The following FNIP1 variants were observed in gnomAD, a reference collection of about 807,000 sequenced individuals.
The protein encoded by FNIP1 is folliculin interacting protein 1.
Under a neutral mutation model 124.5 loss-of-function variants are expected in FNIP1, and 40 were observed. The ratio of observed to expected loss-of-function variants is 0.32; its 90% CI spans 0.25 to 0.42. The LOEUF is 0.42. Ranked by LOEUF, FNIP1 falls within the 10% of genes least tolerant of loss-of-function variation. The pLI is 1.00. For missense variants in FNIP1, 1,176 were observed against 1,403.7 expected (o/e 0.84, Z 2.59); for synonymous variants, 472 against 470.6 (o/e 1.00, Z -0.04).
intron 1 of FNIP1, among the ~76,000 whole-genome samples, chr5:131,747,983 A>G (rs186134044): frequency 1.2e-4 from 18 of 152,196 alleles, no homozygotes; most frequent in Non-Finnish European, 2.2e-4. Context: ...GAAAGGAGAT[A>G]AAGATGTACA....
At position 131,672,280 on chromosome 5, in the gene FNIP1, T is replaced by C. The variant is rs1425437622; in HGVS notation, c.2164A>G (p.Met722Val). Reference sequence around the variant, plus strand: ...TCCACAACCATTCCTGTGGATCTCATTGCTTTGCCTGTGTGACTGTCTGAA... The same window carrying C: ...TCCACAACCATTCCTGTGGATCTCACTGCTTTGCCTGTGTGACTGTCTGAA... ...LDSDSHTGKA[M>V]RSTGMVVEKK... The change falls in exon 14 of 18, where the codon ATG becomes GTG. Residue 722 changes from methionine (M) to valine (V), a missense_variant. Around this residue, in one of 2 missense-constraint regions of FNIP1, gnomAD observed 1,109 missense variants for 1,288.5 expected, o/e 0.86. Transcript: ENST00000510461. 13 of 1,614,190 alleles carry C rather than the reference T, an allele frequency of 8.1e-6. No homozygotes were observed. The highest frequency in any genetic ancestry group is 9.3e-6 in the Non-Finnish European group (11 of 1,180,020).
Position 131,706,454 on chromosome 5 carries a change from G to C in FNIP1, c.871C>G (p.Arg291Gly), listed in dbSNP as rs764541101. ...TTTTCCAAACTTGTTGTTTGGCTGC[G>C]TCGCCAACGTCGCTGGTAGCTGCTG... ...CASSYQRRWR[R>G]SQTTSLENGV... Residue 291 changes from arginine to glycine, a missense_variant, in exon 9 of 18, where the codon CGC becomes GGC. Physicochemically the swap from Arg to Gly is moderately radical, Grantham distance 125. Transcript: ENST00000510461. 1 of 1,613,156 alleles carries C rather than the reference G, an allele frequency of 6.2e-7. No homozygotes were observed. The highest frequency in any genetic ancestry group is 8.5e-7 in the Non-Finnish European group (1 of 1,179,516).
In FNIP1 at chr5:131,672,380, T is replaced by G; in HGVS notation, c.2064A>C (p.Pro688=). The part of the protein sequence containing the change: ...LETVVCTGSV[P]VDKCALSESG... ...ACTCTGACAATGCACATTTGTCTAC[T>G]GGAACAGATCCTGTGCAAACAACTG... Residue 688 remains proline, a synonymous_variant, in exon 14 of 18, where the codon CCA becomes CCC. Transcript: ENST00000510461. 1 of 1,614,230 alleles carries G rather than the reference T, an allele frequency of 6.2e-7. No individual in the cohort carries two copies.
intron 11 of FNIP1, among the ~76,000 whole-genome samples, chr5:131,693,183 T>G (rs1425896975): frequency 2.7e-5 from 4 of 148,844 alleles, no homozygotes; most frequent in African/African-American, 9.9e-5. Flanking sequence ...ATAGCTTGAT[T>G]TAGCCATTCC....
intron 15 of FNIP1, among the ~76,000 whole-genome samples, chr5:131,670,167 C>A (rs746371891): frequency 2.0e-5 from 3 of 152,136 alleles, no homozygotes; most frequent in Non-Finnish European, 4.4e-5. Flanking sequence ...GAAAATAATT[C>A]CATTCAAACT....
rs763107838 is a variant in FNIP1, at chr5:131,651,885, T to C, written c.3223A>G (p.Lys1075Glu). Residue 1075 changes from lysine to glutamate, a missense_variant, in exon 16 of 18, where the codon AAG (lysine) becomes GAG (glutamate). Around this residue, in one of 2 missense-constraint regions of FNIP1, gnomAD observed 67 missense variants for 115.2 expected, o/e 0.58. Coordinates refer to ENST00000510461, the MANE Select transcript of FNIP1 (RefSeq NM_133372.3). ...ACAAGACTGGAAACCAATACTTCCT[T>C]TCCCAATTTATTATCTGTCACTCGT... ...QRRVTDNKLGKEVLVSSLVSN... is the reference protein window; with the variant it reads ...QRRVTDNKLGEEVLVSSLVSN... The C allele has an allele frequency of 5.0e-6, 8 of 1,614,100 alleles. No homozygotes were observed. In the Admixed American group the frequency reaches 5.0e-5, roughly 10 times the overall value.
At position 131,659,497 on chromosome 5, in the gene FNIP1, T is replaced by A. The variant is rs1580732591; in HGVS notation, c.3109-7498A>T. Reference sequence around the variant, plus strand: ...GCTTCTCCTTGATGTCACACACGATTTCCCGCTCGGCCATGGTGGTAAAGC... The same window carrying A: ...GCTTCTCCTTGATGTCACACACGATATCCCGCTCGGCCATGGTGGTAAAGC... On this transcript the variant is annotated intron_variant, in intron 15 of 17. Transcript: ENST00000510461. 3.3e-5 allele frequency among the ~76,000 whole-genome samples: 5 copies of A among 152,316 alleles called. No homozygotes were observed. In the East Asian group the frequency reaches 9.7e-4, roughly 29 times the overall value.
chr5:131,733,799 T>C (rs1444684024), intron 2 of FNIP1, among the ~76,000 whole-genome samples: 2 of 152,198 alleles, frequency 1.3e-5, no homozygotes, highest in Non-Finnish European at 2.9e-5. Context: ...TCTTTTTTTG[T>C]TGTGTCTCTG....
intron 15 of FNIP1, among the ~76,000 whole-genome samples, chr5:131,655,650 A>T (rs184312090): frequency 1.3e-5 from 2 of 152,180 alleles, no homozygotes; most frequent in African/African-American, 4.8e-5. Context: ...TCTCTGCAGG[A>T]GCAGTTCCGC....
chr5:131,666,905 C>T (rs17171086), intron 15 of FNIP1, among the ~76,000 whole-genome samples: 2,565 of 152,172 alleles, frequency 0.017, 69 homozygotes, highest in African/African-American at 0.058. Flanking sequence ...AGAAAAGAGA[C>T]TAAGCAACTA....
At chr5:131,767,940 A>G (rs1190649268) in intron 1 of FNIP1, among the ~76,000 whole-genome samples, 1 of 152,170 alleles carries the variant, frequency 6.6e-6, no homozygotes, top group Non-Finnish European at 1.5e-5. Context: ...TAATCTTTAG[A>G]CTTATTTTGT....
At chr5:131,652,061 A>T (rs1767055120) in intron 15 of FNIP1, 62 bp from the exon 16 acceptor site, 1 of 1,485,818 alleles carries the variant, frequency 6.7e-7, no homozygotes, top group Non-Finnish European at 9.1e-7. Context: ...GATAATGGTA[A>T]TTCAGCAATG....
intron 15 of FNIP1, among the ~76,000 whole-genome samples, chr5:131,655,370 G>A (rs1351579471): frequency 6.6e-6 from 1 of 151,804 alleles, no homozygotes; most frequent in African/African-American, 2.4e-5. Context: ...AAAAAATGTA[G>A]GTAGTATATT....
chr5:131,669,917 C>CAA (rs11440510), intron 15 of FNIP1, among the ~76,000 whole-genome samples: 437 of 132,506 alleles, frequency 3.3e-3, no homozygotes, highest in Middle Eastern at 0.016. Flanking sequence ...TACAATGAGT[C>CAA]AAAAAAAAAA....
chr5:131,696,981 A>G (rs1768717660), intron 11 of FNIP1, among the ~76,000 whole-genome samples: 1 of 152,102 alleles, frequency 6.6e-6, no homozygotes, highest in African/African-American at 2.4e-5. Flanking sequence ...ATTTAAATCT[A>G]CCACTCTTTA....
chr5:131,721,333 G>A (rs2108868), intron 3 of FNIP1, among the ~76,000 whole-genome samples: 12,396 of 152,194 alleles, frequency 0.081, 1,074 homozygotes, highest in African/African-American at 0.22. Flanking sequence ...ACCAGGGGCT[G>A]GGGTGAGGGG....
intron 6 of FNIP1, among the ~76,000 whole-genome samples, chr5:131,716,104 T>A (rs1177981795): frequency 6.6e-6 from 1 of 152,200 alleles, no homozygotes; most frequent in East Asian, 1.9e-4. Flanking sequence ...CTAATAAATC[T>A]TTTAAGAAAC....
At chr5:131,686,078 TA>T (rs1768264459) in intron 11 of FNIP1, among the ~76,000 whole-genome samples, 1 of 152,232 alleles carries the variant, frequency 6.6e-6, no homozygotes, top group Non-Finnish European at 1.5e-5. Context: ...TAACCAATTT[TA>T]CCCAATTGAT....
rs530636806 is a variant in FNIP1 at position 131,770,476 on chromosome 5, G to T, written c.93-25786C>A. 4.6e-5 allele frequency among the ~76,000 whole-genome samples: 7 copies of T among 152,224 alleles called. No homozygotes were observed. In the South Asian group the frequency reaches 1.2e-3, roughly 27 times the overall value. The stretch of plus-strand genomic sequence containing the variant: ...AGGGGTGCATCTGTGTATGTATCCC[G>T]ATAGGACTAATTCACTAACAGAAAT... On this transcript the variant is annotated intron_variant, in intron 1 of 17. Transcript: ENST00000510461.
Sources: allele counts gnomAD v4.1 joint callset (sites outside exome capture counted in the v4.1 genomes callset), GRCh38; gene constraint gnomAD v4.1.1; regional missense constraint gnomAD v4.1.1; transcripts MANE v1.5; gene names NCBI Gene and HGNC (gene_info 2026-07-23, HGNC 2026-07-21).